USP49: variants seen among roughly 807,000 people sequenced by gnomAD.
USP49 encodes the protein ubiquitin carboxyl-terminal hydrolase 49.
USP49 carries 24 observed loss-of-function variants against 58.6 expected under a neutral mutation model. The observed-to-expected ratio is 0.41, with a 90% CI of 0.30 to 0.58. The LOEUF is 0.58. USP49 is among the 20% of genes least tolerant of loss of function. The pLI, the probability that USP49 is intolerant of heterozygous loss-of-function variation, is 0.30. For missense variants in USP49, 703 were observed against 866.1 expected, an observed-to-expected ratio of 0.81 and a Z score of 2.36; for synonymous variants, 408 against 365.1, an observed-to-expected ratio of 1.12 and a Z score of -1.34.
intron 3 of USP49, among the ~76,000 whole-genome samples, chr6:41,852,604 T>C (rs968614505): frequency 2.0e-5 from 3 of 152,200 alleles, no homozygotes; most frequent in African/African-American, 4.8e-5. Context: ...AAGATATCCA[T>C]GTTCCTGGAT....
rs3050156 is a variant in USP49, at chr6:41,799,079, CTTATTTATTTATTTAT to C, written c.1671-166_1671-151del. 184 of 360,598 alleles carry C rather than the reference CTTATTTATTTATTTAT, an allele frequency of 5.1e-4. 24 individuals are homozygous for C. The highest frequency in any genetic ancestry group is 4.8e-4 in the Non-Finnish European group (113 of 233,066). The allele number at this position is 360,598 out of a possible 1,614,324, so 22.3% of individuals were successfully genotyped here. On this transcript the variant is annotated intron_variant, in intron 6 of 7. Coordinates refer to ENST00000682992, the MANE Select transcript of USP49 (RefSeq NM_001286554.2). ...AAAATGGTGGTAATCAATGTTCACA[CTTATTTATTTATTTAT>C]TTATTTATTTATTTATTTATTTTCA...
intron 3 of USP49, among the ~76,000 whole-genome samples, chr6:41,814,945 A>G (rs1268094704): frequency 6.6e-6 from 1 of 152,216 alleles, no homozygotes; most frequent in East Asian, 1.9e-4. Flanking sequence ...CTAGAATTAC[A>G]TCTACCACAA....
chr6:41,865,731 T>G (rs1308733091), intron 3 of USP49, among the ~76,000 whole-genome samples: 4 of 151,368 alleles, frequency 2.6e-5, no homozygotes, highest in African/African-American at 9.7e-5. Flanking sequence ...CTCGAACTCC[T>G]GAGCTCAAGC....
chr6:41,805,004 T>C (rs1773085180), intron 4 of USP49, among the ~76,000 whole-genome samples: 2 of 152,252 alleles, frequency 1.3e-5, no homozygotes, highest in South Asian at 4.1e-4. Context: ...CACCTTGGCC[T>C]CCTGAAGTGC....
intron 4 of USP49, among the ~76,000 whole-genome samples, chr6:41,804,431 C>A (rs985775798): frequency 1.3e-5 from 2 of 152,158 alleles, no homozygotes; most frequent in African/African-American, 2.4e-5. Flanking sequence ...CAGCATGCCT[C>A]TCTTTTTGCC....
At chr6:41,799,796 T>G (rs1273434534) in intron 6 of USP49, 34 bp downstream of exon 6, 2 of 1,591,652 alleles carry the variant, frequency 1.3e-6, no homozygotes, top group Admixed American at 3.3e-5. Context: ...TTCCCACAGC[T>G]CTCACCCAGC....
At chr6:41,812,279 A>AT (rs1373855813) in intron 3 of USP49, among the ~76,000 whole-genome samples, 4 of 151,506 alleles carry the variant, frequency 2.6e-5, no homozygotes, top group South Asian at 2.1e-4. Flanking sequence ...GGGTTTCTCC[A>AT]TATTGGTCAG....
intron 1 of USP49, among the ~76,000 whole-genome samples, chr6:41,892,804 A>G (rs1774832202): frequency 6.6e-6 from 1 of 152,236 alleles, no homozygotes; most frequent in Admixed American, 6.5e-5. Context: ...AATAACCCCA[A>G]AGAAGATTCT....
At chr6:41,814,449 C>T (rs975181404) in intron 3 of USP49, among the ~76,000 whole-genome samples, 14 of 152,046 alleles carry the variant, frequency 9.2e-5, no homozygotes, top group Non-Finnish European at 1.9e-4. Context: ...AAAAACTCTC[C>T]ATATGAGAGA....
At chr6:41,867,161 T>C (rs1170829934) in intron 3 of USP49, among the ~76,000 whole-genome samples, 1 of 152,206 alleles carries the variant, frequency 6.6e-6, no homozygotes, top group Admixed American at 6.5e-5. Flanking sequence ...AAAAACCACA[T>C]ACTACAATTC....
chr6:41,873,693 A>G (rs192681678), intron 2 of USP49, among the ~76,000 whole-genome samples: 3 of 152,334 alleles, frequency 2.0e-5, no homozygotes, highest in Admixed American at 2.0e-4. Context: ...AGCTGACTGT[A>G]ATAATCAGTC....
At position 41,805,800 on chromosome 6, in the gene USP49, T is replaced by C. The variant is rs557155189; in HGVS notation, c.1184A>G (p.Tyr395Cys). 5.6e-6 allele frequency: 9 copies of C among 1,614,006 alleles called. No homozygotes were observed. In the South Asian group the frequency reaches 8.8e-5, roughly 16 times the overall value. The change falls in exon 4 of 8, where the codon TAC becomes TGC. Residue 395 changes from tyrosine (Y) to cysteine (C), a missense_variant. By Grantham distance (194) the Tyr-to-Cys change is radical. Coordinates refer to ENST00000682992, the MANE Select transcript of USP49 (RefSeq NM_001286554.2). ...AAATTCCTGCGCGTCCTGTTGGTCG[T>C]AGCCGCGGAAGGCAGGGATCAGGCT... is the stretch of plus-strand genomic sequence containing the variant. ...VWSLIPAFRG[Y>C]DQQDAQEFLC...
chr6:41,817,676 C>T (rs750614621), intron 3 of USP49, among the ~76,000 whole-genome samples: 2 of 151,796 alleles, frequency 1.3e-5, no homozygotes, highest in African/African-American at 2.4e-5. Context: ...AGTGCAGTGG[C>T]GCTATCTCAG....
intron 3 of USP49, among the ~76,000 whole-genome samples, chr6:41,851,952 C>CAAAAAAAAAAAAAA (rs67716441): frequency 9.1e-5 from 5 of 54,894 alleles, no homozygotes; most frequent in African/African-American, 2.1e-4. Flanking sequence ...AGACTCGTCT[C>CAAAAAAAAAAAAAA]AAAAAAAAAA....
At chr6:41,878,863 G>T (rs753351343) in intron 2 of USP49, among the ~76,000 whole-genome samples, 2 of 152,122 alleles carry the variant, frequency 1.3e-5, no homozygotes, top group African/African-American at 4.8e-5. Context: ...AAGCACAGAG[G>T]GCCCAATTTC....
Position 41,803,785 on chromosome 6 carries a change from C to T in USP49, c.1561+21G>A, listed in dbSNP as rs1381100801. 1 of 1,612,910 alleles carries T rather than the reference C, an allele frequency of 6.2e-7. No individual in the cohort carries two copies. The highest frequency in any genetic ancestry group is 1.3e-5 in the African/African-American group (1 of 74,920). On this transcript the variant is annotated intron_variant, in intron 5 of 7. Transcript: ENST00000682992. This position sits in a 1 kb window ranked among gnomAD's most constrained non-coding sequence, Gnocchi z 4.1. Reference sequence around the variant, plus strand: ...CCAATTATTCTTCCCCACTACGCCCCCTCCTCCACACAGCACTCACTGTTA... The same window carrying T: ...CCAATTATTCTTCCCCACTACGCCCTCTCCTCCACACAGCACTCACTGTTA...
intron 1 of USP49, among the ~76,000 whole-genome samples, chr6:41,893,278 C>G (rs1302457477): frequency 6.6e-6 from 1 of 152,126 alleles, no homozygotes; most frequent in Non-Finnish European, 1.5e-5. Context: ...TGAAACGTCC[C>G]GCACAAAGCT....
At chr6:41,860,300 G>A (rs1187419667) in intron 3 of USP49, among the ~76,000 whole-genome samples, 1 of 151,450 alleles carries the variant, frequency 6.6e-6, no homozygotes, top group African/African-American at 2.4e-5. Context: ...AGAGAGAGAG[G>A]AGGTGAGGCA....
chr6:41,831,927 C>T (rs1196525757), intron 3 of USP49, among the ~76,000 whole-genome samples: 7 of 152,152 alleles, frequency 4.6e-5, no homozygotes, highest in African/African-American at 1.7e-4. Context: ...CCTTGAGATG[C>T]TATCCTTCCT....
Sources: allele counts gnomAD v4.1 joint callset (sites outside exome capture counted in the v4.1 genomes callset), GRCh38; gene constraint gnomAD v4.1.1; non-coding constraint Gnocchi (gnomAD v3.1); transcripts MANE v1.5; gene names NCBI Gene and HGNC (gene_info 2026-07-23, HGNC 2026-07-21).